SMG6: variants seen among roughly 807,000 people sequenced by gnomAD.
SMG6 encodes the protein telomerase-binding protein EST1A.
In SMG6, 66 loss-of-function variants were observed where a neutral mutation model predicts 142.2. The observed-to-expected ratio is 0.46, with a 90% CI of 0.38 to 0.57. SMG6 has a LOEUF of 0.57. SMG6 is among the 20% of genes least tolerant of loss of function. The pLI is 0.00. For synonymous variants in SMG6, 779 were observed against 702.4 expected, an observed-to-expected ratio of 1.11 and a Z score of -1.72; for missense variants, 1,793 against 1,832.0, an observed-to-expected ratio of 0.98 and a Z score of 0.39.
At chr17:2,200,830 C>G (rs984681974) in intron 10 of SMG6, among the ~76,000 whole-genome samples, 2 of 152,134 alleles carry the variant, frequency 1.3e-5, no homozygotes, top group Non-Finnish European at 2.9e-5. Context: ...CCACCTCGGC[C>G]TCCCAACCTC....
At chr17:2,181,424 C>T (rs1429884502) in intron 12 of SMG6, among the ~76,000 whole-genome samples, 1 of 152,172 alleles carries the variant, frequency 6.6e-6, no homozygotes, top group African/African-American at 2.4e-5. Context: ...AACTCGCATT[C>T]CAGAGATAAC....
At chr17:2,169,243 T>C (rs1467457131) in intron 13 of SMG6, among the ~76,000 whole-genome samples, 1 of 151,670 alleles carries the variant, frequency 6.6e-6, no homozygotes, top group East Asian at 2.0e-4. Context: ...GCGCAGGAAT[T>C]TGAGGTGGCA....
intron 15 of SMG6, among the ~76,000 whole-genome samples, chr17:2,069,454 G>T (rs1444836776): frequency 6.6e-6 from 1 of 151,896 alleles, no homozygotes; most frequent in Non-Finnish European, 1.5e-5. Context: ...AAATTAGCTG[G>T]GTGTGGTGGC....
At chr17:2,269,040 T>A (rs920833670) in intron 8 of SMG6, among the ~76,000 whole-genome samples, 1 of 151,444 alleles carries the variant, frequency 6.6e-6, no homozygotes, top group Non-Finnish European at 1.5e-5. Flanking sequence ...CCGTCTCTAC[T>A]AAAAATACAA....
chr17:2,286,761 G>A (rs984751076), intron 6 of SMG6, among the ~76,000 whole-genome samples: 4 of 152,002 alleles, frequency 2.6e-5, no homozygotes, highest in Admixed American at 2.0e-4. Flanking sequence ...CTGGACTTCA[G>A]CAAAATTAAA....
Position 2,195,571 on chromosome 17 carries a change from T to C in SMG6, c.2870-7056A>G, listed in dbSNP as rs1020855872. Among the ~76,000 whole-genome samples, 19 of 152,322 alleles carry C rather than the reference T, an allele frequency of 1.2e-4. 1 individual carries two copies. Among genetic ancestry groups the C allele is most frequent in the Admixed American group, 1.2e-3 (19 of 15,308 alleles). ...CACCATAGAGAGGTTCAAGAAACAT[T>C]TGCTGCTCATAATAGTAGGCACACT... On this transcript the variant is annotated intron_variant, in intron 10 of 18. Transcript: ENST00000263073.
chr17:2,300,174 ATTCGCAACTTCCTCC>A lies in SMG6; in HGVS notation c.564_578del (p.Lys188_Ala192del). The A allele has an allele frequency of 6.2e-7, 1 of 1,613,640 alleles. No individual in the cohort carries two copies. Among genetic ancestry groups the A allele is most frequent in the South Asian group, 1.1e-5 (1 of 91,064 alleles). On this transcript the variant is annotated inframe_deletion, in exon 2 of 19. Transcript: ENST00000263073. ...TTTCTATCTCAGCCCTGTCTGGTTT[ATTCGCAACTTCCTCC>A]TTCGCAACATTTCCCCTACACTCAT...
intron 8 of SMG6, among the ~76,000 whole-genome samples, chr17:2,250,865 G>C (rs922622821): frequency 1.3e-5 from 2 of 152,110 alleles, no homozygotes; most frequent in Non-Finnish European, 2.9e-5. Context: ...GAGATCACAA[G>C]GCGGAGGAGG....
At chr17:2,142,776 T>C (rs968804244) in intron 13 of SMG6, among the ~76,000 whole-genome samples, 9 of 150,154 alleles carry the variant, frequency 6.0e-5, no homozygotes, top group Non-Finnish European at 1.0e-4. Flanking sequence ...TAACCCCAGC[T>C]ACTCGGGAGG....
chr17:2,283,381 C>G (rs2074832809), intron 7 of SMG6, among the ~76,000 whole-genome samples: 1 of 152,192 alleles, frequency 6.6e-6, no homozygotes, highest in Admixed American at 6.5e-5. Context: ...CCCCTGAAAG[C>G]TCTCCTGAAG....
intron 8 of SMG6, among the ~76,000 whole-genome samples, chr17:2,263,108 C>T (rs1182404768): frequency 1.3e-5 from 2 of 152,140 alleles, no homozygotes; most frequent in Non-Finnish European, 2.9e-5. Flanking sequence ...GATAAACGCC[C>T]TTTACACTTA....
intron 10 of SMG6, among the ~76,000 whole-genome samples, chr17:2,216,187 C>CAGGTACCACGATGGT: frequency 6.6e-6 from 1 of 152,096 alleles, no homozygotes; most frequent in Non-Finnish European, 1.5e-5. Flanking sequence ...ACTCAGATGG[C>CAGGTACCACGATGGT]AGGTACCACG....
intron 10 of SMG6, among the ~76,000 whole-genome samples, chr17:2,234,552 C>T (rs969440419): frequency 7.2e-5 from 11 of 152,154 alleles, no homozygotes; most frequent in Admixed American, 5.2e-4. Flanking sequence ...CGTGAGCCAC[C>T]GCACCCGGCC....
At chr17:2,200,210 C>T (rs1218943468) in intron 10 of SMG6, among the ~76,000 whole-genome samples, 4 of 151,668 alleles carry the variant, frequency 2.6e-5, no homozygotes, top group African/African-American at 9.7e-5. Context: ...AGTGAGCCAC[C>T]GTGCCTGGAC....
At chr17:2,087,435 C>T (rs1284589612) in intron 13 of SMG6, 20 of 1,185,578 alleles carry the variant, frequency 1.7e-5, no homozygotes, top group African/African-American at 4.8e-5. Context: ...CTTTCCTACA[C>T]GGTCTAGGAG....
intron 13 of SMG6, among the ~76,000 whole-genome samples, chr17:2,123,637 TCA>T (rs1324479998): frequency 1.3e-5 from 2 of 152,186 alleles, no homozygotes; most frequent in Non-Finnish European, 2.9e-5. Flanking sequence ...AGTCGAGCTC[TCA>T]TTCATAAGAC....
At chr17:2,167,473 A>G (rs1327999464) in intron 13 of SMG6, among the ~76,000 whole-genome samples, 1 of 152,222 alleles carries the variant, frequency 6.6e-6, no homozygotes, top group Non-Finnish European at 1.5e-5. Context: ...AAAGGCATAT[A>G]AGGTGAAAAC....
At chr17:2,194,816 T>A (rs2072274056) in intron 10 of SMG6, among the ~76,000 whole-genome samples, 1 of 151,814 alleles carries the variant, frequency 6.6e-6, no homozygotes, top group South Asian at 2.1e-4. Flanking sequence ...CTCACGTGTA[T>A]TCTCGGCAGG....
At chr17:2,078,020 G>T (rs367696467) in intron 15 of SMG6, among the ~76,000 whole-genome samples, 1 of 152,134 alleles carries the variant, frequency 6.6e-6, no homozygotes, top group East Asian at 1.9e-4. Context: ...TACTAGCCAA[G>T]CAAAGGCCTG....
Sources: gnomAD v4.1 joint callset for allele counts (sites outside exome capture counted in the v4.1 genomes callset) on GRCh38, gnomAD v4.1.1 for gene constraint, MANE v1.5 for transcripts, NCBI Gene and HGNC (gene_info 2026-07-23, HGNC 2026-07-21) for gene names.